Variants in TG observed in about 807,000 individuals in gnomAD.
TG encodes the protein thyroglobulin.
TG carries 270 observed loss-of-function variants against 324.7 expected under a neutral mutation model. That is an observed-to-expected ratio of 0.83 (90% CI 0.75 to 0.92). The LOEUF (loss-of-function observed/expected upper bound fraction) is 0.92, where lower values mean the gene tolerates loss of function less well. TG is among the 40% of genes least tolerant of loss of function. TG has a pLI of 0.00. For missense variants in TG, 3,591 were observed against 3,456.4 expected (o/e 1.04, Z -0.98); for synonymous variants, 1,401 against 1,327.0 (o/e 1.06, Z -1.21).
At chr8:132,957,758 C>CAG (rs1827116909) in intron 27 of TG, among the ~76,000 whole-genome samples, 2 of 128,006 alleles carry the variant, frequency 1.6e-5, no homozygotes, top group Admixed American at 8.2e-5. Flanking sequence ...CACACACACA[C>CAG]ACACACACAC....
At chr8:133,016,975 G>T (rs1418835061) in intron 37 of TG, among the ~76,000 whole-genome samples, 1 of 152,212 alleles carries the variant, frequency 6.6e-6, no homozygotes, top group African/African-American at 2.4e-5. Context: ...GAGGGATTTG[G>T]ACATGAAAAA....
chr8:133,071,116 C>G (rs1191084090), intron 41 of TG, among the ~76,000 whole-genome samples: 1 of 152,194 alleles, frequency 6.6e-6, no homozygotes, highest in Non-Finnish European at 1.5e-5. Flanking sequence ...CAGATTGGTG[C>G]CGTCCCTTGA....
intron 41 of TG, chr8:133,045,069 G>A (rs780897506): frequency 6.2e-7 from 1 of 1,614,174 alleles, no homozygotes; most frequent in Non-Finnish European, 8.5e-7. Flanking sequence ...GACGGAAAAT[G>A]CGGTAATGCT....
intron 35 of TG, chr8:132,995,618 G>T (rs1832799982): frequency 1.4e-6 from 1 of 711,664 alleles, no homozygotes; most frequent in Non-Finnish European, 1.7e-6. Flanking sequence ...GAGTTCAGAT[G>T]CTCTTAGGAG....
At chr8:133,073,740 C>G (rs989332239) in intron 41 of TG, among the ~76,000 whole-genome samples, 2 of 152,102 alleles carry the variant, frequency 1.3e-5, no homozygotes, top group African/African-American at 4.8e-5. Flanking sequence ...ACTTTAAACA[C>G]AGGCCTCAGC....
intron 35 of TG, 80 bp downstream of exon 35, chr8:132,983,492 T>C (rs554038267): frequency 7.1e-7 from 1 of 1,405,328 alleles, no homozygotes; most frequent in East Asian, 2.3e-5. Flanking sequence ...CTTGCTTTTG[T>C]ACAGAAGTTG....
At chr8:133,060,173 C>T (rs1297247825) in intron 41 of TG, 7 of 1,612,284 alleles carry the variant, frequency 4.3e-6, no homozygotes, top group South Asian at 1.1e-5. Context: ...CTTTCTTTTT[C>T]CCTGGGGCCG....
chr8:132,950,940 C>A (rs1826018425), intron 27 of TG, among the ~76,000 whole-genome samples: 1 of 152,118 alleles, frequency 6.6e-6, no homozygotes, highest in African/African-American at 2.4e-5. Flanking sequence ...TATCATTGTC[C>A]CGGTTTGCCA....
intron 23 of TG, among the ~76,000 whole-genome samples, 198 bp downstream of exon 23, chr8:132,929,390 G>A (rs1349161910): frequency 6.6e-6 from 1 of 152,176 alleles, no homozygotes; most frequent in African/African-American, 2.4e-5. Context: ...TTTATCTACT[G>A]TATGCTATCC....
At chr8:133,029,725 C>A (rs888727722) in intron 40 of TG, 96 bp from the exon 41 acceptor site, 5 of 1,454,206 alleles carry the variant, frequency 3.4e-6, no homozygotes, top group Non-Finnish European at 4.8e-6. Context: ...GAGCCCCTGG[C>A]GGGGCCGCAT....
chr8:133,057,713 G>T (rs1841698994), intron 41 of TG, among the ~76,000 whole-genome samples: 2 of 150,524 alleles, frequency 1.3e-5, no homozygotes, highest in South Asian at 4.2e-4. Context: ...TAAGACATTA[G>T]TTCCTGAGAA....
intron 20 of TG, among the ~76,000 whole-genome samples, chr8:132,915,039 TGTGA>T (rs1256941692): frequency 2.0e-5 from 3 of 152,076 alleles, no homozygotes; most frequent in Non-Finnish European, 4.4e-5. Context: ...TATGCATATG[TGTGA>T]GTGTGTTTGT....
intron 27 of TG, among the ~76,000 whole-genome samples, chr8:132,954,572 G>A (rs897694427): frequency 6.6e-6 from 1 of 152,216 alleles, no homozygotes; most frequent in Non-Finnish European, 1.5e-5. Flanking sequence ...CAGTGGTGCT[G>A]CAGAGGACTT....
At chr8:133,095,528 C>T (rs1383329314) in intron 42 of TG, among the ~76,000 whole-genome samples, 1 of 152,194 alleles carries the variant, frequency 6.6e-6, no homozygotes, top group Non-Finnish European at 1.5e-5. Flanking sequence ...GGCCTCACTC[C>T]AGGACCGTGG....
intron 32 of TG, among the ~76,000 whole-genome samples, chr8:132,970,106 T>C (rs1426002541): frequency 1.3e-5 from 2 of 151,958 alleles, no homozygotes; most frequent in Non-Finnish European, 2.9e-5. Context: ...AATTATCAAG[T>C]ATGGTACTAA....
intron 34 of TG, among the ~76,000 whole-genome samples, chr8:132,982,132 A>G (rs1402199511): frequency 6.6e-6 from 1 of 152,258 alleles, no homozygotes; most frequent in African/African-American, 2.4e-5. Context: ...GTATCAGCTC[A>G]TCTAAACCTC....
At chr8:133,045,229 C>A in intron 41 of TG, 3 of 1,076,912 alleles carry the variant, frequency 2.8e-6, no homozygotes, top group African/African-American at 3.1e-5. Flanking sequence ...TGGGATACAA[C>A]AGTGATGCTA....
intron 22 of TG, among the ~76,000 whole-genome samples, chr8:132,928,875 G>A (rs1244791009): frequency 6.6e-6 from 1 of 152,212 alleles, no homozygotes; most frequent in South Asian, 2.1e-4. Context: ...AGCAGGGAGA[G>A]CTGGTAAGTT....
At position 132,972,843 on chromosome 8, in the gene TG, G is replaced by T. The variant is rs1234140966; in HGVS notation, c.6199+102G>T. ...TTGGATTGGTGAGTAGATTAATGAAGACTCATTGGGTTCAAGCAACAGAAA... is the reference window on the plus strand; with the variant it reads ...TTGGATTGGTGAGTAGATTAATGAATACTCATTGGGTTCAAGCAACAGAAA... On this transcript the variant is annotated intron_variant, in intron 34 of 47. Transcript: ENST00000220616. The T allele has an allele frequency of 6.9e-6, 10 of 1,446,640 alleles. No homozygotes were observed. In the East Asian group the frequency reaches 2.0e-4, roughly 30 times the overall value. 89.6% of individuals were successfully genotyped at this position (1,446,640 alleles called of 1,614,324 possible). A position where few individuals can be genotyped will look rare whatever the true frequency, so the allele number is the denominator to read the frequency against.
Sources: allele counts gnomAD v4.1 joint callset (sites outside exome capture counted in the v4.1 genomes callset), GRCh38; gene constraint gnomAD v4.1.1; transcripts MANE v1.5; gene names NCBI Gene and HGNC (gene_info 2026-07-23, HGNC 2026-07-21).